PRKG1: variants seen among roughly 807,000 people sequenced by gnomAD.
The protein encoded by PRKG1 is cGMP-dependent protein kinase 1.
A neutral mutation model predicts 88.1 loss-of-function variants in PRKG1; 35 were observed. The observed-to-expected ratio is 0.40, with a 90% CI of 0.30 to 0.53. PRKG1 has a LOEUF of 0.53. Among genes scored for constraint, PRKG1 ranks in the 20% least tolerant of loss-of-function variants. The pLI is 0.59. For missense variants in PRKG1, 540 were observed against 839.8 expected, an observed-to-expected ratio of 0.64 and a Z score of 4.41; for synonymous variants, 303 against 292.5, an observed-to-expected ratio of 1.04 and a Z score of -0.37.
intron 4 of PRKG1, among the ~76,000 whole-genome samples, chr10:51,903,403 G>A (rs971576240): frequency 3.9e-5 from 6 of 152,002 alleles, no homozygotes; most frequent in African/African-American, 1.4e-4. Context: ...TATATACTTA[G>A]GAGAATGTTT....
chr10:51,334,267 A>T (rs1276921159), intron 2 of PRKG1, among the ~76,000 whole-genome samples: 2 of 151,702 alleles, frequency 1.3e-5, no homozygotes, highest in African/African-American at 4.8e-5. Flanking sequence ...TCTTCAGATC[A>T]GATCTCAACT....
At chr10:51,571,369 T>C (rs1837748400) in intron 3 of PRKG1, among the ~76,000 whole-genome samples, 1 of 151,898 alleles carries the variant, frequency 6.6e-6, no homozygotes, top group Admixed American at 6.6e-5. Flanking sequence ...ATCAATAAAA[T>C]AGAAATAATA....
At chr10:52,195,575 C>A (rs1055883370) in intron 9 of PRKG1, among the ~76,000 whole-genome samples, 1 of 152,056 alleles carries the variant, frequency 6.6e-6, no homozygotes, top group Admixed American at 6.6e-5. Flanking sequence ...TTGCAAAACA[C>A]AAGCGTGTTT....
intron 2 of PRKG1, among the ~76,000 whole-genome samples, chr10:51,463,983 C>A (rs1209920074): frequency 1.3e-5 from 2 of 152,132 alleles, no homozygotes; most frequent in African/African-American, 4.8e-5. Context: ...AAATGCAGTG[C>A]TTTTTGGACG....
At chr10:51,812,807 T>C (rs1839491138) in intron 4 of PRKG1, among the ~76,000 whole-genome samples, 1 of 152,140 alleles carries the variant, frequency 6.6e-6, no homozygotes, top group Admixed American at 6.5e-5. Context: ...CATTTATTGA[T>C]CTTTTTCACC....
chr10:51,153,089 A>C (rs1449158552), intron 1 of PRKG1, 75 bp from the exon 2 acceptor site: 2 of 1,373,198 alleles, frequency 1.5e-6, no homozygotes, highest in African/African-American at 1.5e-5. Context: ...AGAGCACTCT[A>C]TGGCGCTGCT....
intron 1 of PRKG1, among the ~76,000 whole-genome samples, chr10:51,006,115 G>A (rs1455155006): frequency 1.3e-5 from 2 of 152,158 alleles, no homozygotes; most frequent in African/African-American, 2.4e-5. Context: ...CCCAGTGCCT[G>A]TTTGCAGCTT....
intron 3 of PRKG1, among the ~76,000 whole-genome samples, chr10:51,796,936 C>G (rs1301068943): frequency 6.6e-6 from 1 of 151,344 alleles, no homozygotes; most frequent in Non-Finnish European, 1.5e-5. Flanking sequence ...AGAATCTTGA[C>G]TAAGATTGAC....
At position 51,180,292 on chromosome 10, in the gene PRKG1, TTA is replaced by T. The variant is rs1322108085; in HGVS notation, c.478+26964_478+26965del. Among the ~76,000 whole-genome samples, 5 of 152,336 alleles carry T rather than the reference TTA, an allele frequency of 3.3e-5. No individual in the cohort carries two copies. In the East Asian group the frequency reaches 9.7e-4, roughly 29 times the overall value. On this transcript the variant is annotated intron_variant, in intron 2 of 17. Transcript: ENST00000373980. Reference sequence around the variant, plus strand: ...GTACATGTAAGGGCTGCTTGGTTGGTTATGTCACCTGTGCCTATTGTCTGATT... The same window carrying T: ...GTACATGTAAGGGCTGCTTGGTTGGTTGTCACCTGTGCCTATTGTCTGATT...
At chr10:51,373,840 G>T (rs1018998949) in intron 2 of PRKG1, among the ~76,000 whole-genome samples, 1 of 151,604 alleles carries the variant, frequency 6.6e-6, no homozygotes, top group East Asian at 1.9e-4. Flanking sequence ...GTCTCTTTTC[G>T]TTTTTTAAAA....
At chr10:51,223,245 C>A (rs1838599270) in intron 2 of PRKG1, among the ~76,000 whole-genome samples, 1 of 151,940 alleles carries the variant, frequency 6.6e-6, no homozygotes, top group Non-Finnish European at 1.5e-5. Flanking sequence ...GTGTTTCAAG[C>A]AATCTAGGAA....
intron 5 of PRKG1, among the ~76,000 whole-genome samples, chr10:52,023,267 A>G (rs1845236612): frequency 6.6e-6 from 1 of 152,204 alleles, no homozygotes; most frequent in African/African-American, 2.4e-5. Context: ...ATGGCTGCAT[A>G]GTATTCCATG....
At chr10:51,927,634 G>A (rs1842607996) in intron 5 of PRKG1, among the ~76,000 whole-genome samples, 1 of 152,040 alleles carries the variant, frequency 6.6e-6, no homozygotes, top group Non-Finnish European at 1.5e-5. Context: ...ATTTAGTTAA[G>A]GAAACAGGAA....
At chr10:51,162,262 C>T (rs971318191) in intron 2 of PRKG1, among the ~76,000 whole-genome samples, 1 of 152,038 alleles carries the variant, frequency 6.6e-6, no homozygotes, top group Non-Finnish European at 1.5e-5. Context: ...AGAGAACATC[C>T]GAATTGGTCT....
chr10:51,273,457 G>C (rs930410361), intron 2 of PRKG1, among the ~76,000 whole-genome samples: 1 of 152,092 alleles, frequency 6.6e-6, no homozygotes, highest in East Asian at 1.9e-4. Context: ...CCAGGAGGTC[G>C]AGGCTACAGT....
chr10:51,806,127 A>T (rs1839300467), intron 4 of PRKG1, among the ~76,000 whole-genome samples: 1 of 152,172 alleles, frequency 6.6e-6, no homozygotes. Flanking sequence ...CTTAACTTAC[A>T]GTTTAAGAGC....
At chr10:52,111,572 G>A (rs934073196) in intron 7 of PRKG1, among the ~76,000 whole-genome samples, 4 of 152,252 alleles carry the variant, frequency 2.6e-5, no homozygotes, top group South Asian at 4.1e-4. Context: ...AGATTATGAC[G>A]TATGATCTGG....
chr10:51,166,372 A>G (rs972259062), intron 2 of PRKG1, among the ~76,000 whole-genome samples: 1 of 152,178 alleles, frequency 6.6e-6, no homozygotes, highest in African/African-American at 2.4e-5. Context: ...CTGAGTTTAT[A>G]TCATATTTCA....
intron 3 of PRKG1, among the ~76,000 whole-genome samples, chr10:51,734,865 C>A (rs866071438): frequency 7.4e-6 from 1 of 135,092 alleles, no homozygotes; most frequent in African/African-American, 2.6e-5. Context: ...TAGTAAGCAG[C>A]AGCCATGGAA....
Sources: allele counts gnomAD v4.1 joint callset (sites outside exome capture counted in the v4.1 genomes callset), GRCh38; gene constraint gnomAD v4.1.1; transcripts MANE v1.5; gene names NCBI Gene and HGNC (gene_info 2026-07-23, HGNC 2026-07-21).